Variants in ZDHHC21 observed in about 807,000 individuals in gnomAD.
The protein encoded by ZDHHC21 is palmitoyltransferase ZDHHC21.
In ZDHHC21, 15 loss-of-function variants were observed where a neutral mutation model predicts 34.6. The observed-to-expected ratio is 0.43, with a 90% confidence interval of 0.29 to 0.67. ZDHHC21 has a LOEUF of 0.67. ZDHHC21 is among the 30% of genes least tolerant of loss of function. The probability of loss-of-function intolerance (pLI) is 0.14; values close to 1 mark genes in which losing one functional copy is unlikely to be tolerated. For synonymous variants in ZDHHC21, 142 were observed against 101.8 expected (o/e 1.40, Z -2.38); for missense variants, 344 against 327.7 (o/e 1.05, Z -0.38).
the ZDHHC21 span, among the ~76,000 whole-genome samples, chr9:14,601,000 T>C: frequency 6.6e-6 from 1 of 152,046 alleles, no homozygotes; most frequent in East Asian, 1.9e-4. Flanking sequence ...AAAAATTAAC[T>C]CAAGATGGAT....
intron 8 of ZDHHC21, 58 bp downstream of exon 8, chr9:14,639,838 A>G: frequency 2.9e-6 from 3 of 1,018,024 alleles, no homozygotes; most frequent in Non-Finnish European, 4.2e-6. Flanking sequence ...TTTGAGAATT[A>G]CATTCATAAT....
At chr9:14,605,633 T>A in the ZDHHC21 span, among the ~76,000 whole-genome samples, 6,680 of 152,300 alleles carry the variant, frequency 0.044, 482 homozygotes, top group African/African-American at 0.15. Flanking sequence ...TCCCATTCGA[T>A]AGACTGCCAT....
At chr9:14,674,120 C>T in intron 4 of ZDHHC21, 67 bp downstream of exon 4, 1 of 1,132,052 alleles carries the variant, frequency 8.8e-7, no homozygotes, top group Non-Finnish European at 1.2e-6. Context: ...CATAGTGGCA[C>T]TACACCCCAA....
intron 7 of ZDHHC21, among the ~76,000 whole-genome samples, chr9:14,648,660 G>A (rs1830680374): frequency 6.6e-6 from 1 of 151,958 alleles, no homozygotes; most frequent in Non-Finnish European, 1.5e-5. Flanking sequence ...TTTGTTTATT[G>A]CCTGTCTTCT....
rs1050407388 is a variant in ZDHHC21, at chr9:14,611,900, ATTT to A, written c.*7063_*7065del. The A allele has an allele frequency of 6.6e-6, 1 of 151,812 alleles. No homozygotes were observed. The allele number at this position is 151,812 out of a possible 1,614,324, so 9.4% of individuals were successfully genotyped here. A position where few individuals can be genotyped will look rare whatever the true frequency, so the allele number is the denominator to read the frequency against. ...TTTATTCTTACATATATGAAGTAGA[ATTT>A]TTTTTCTTTTATATGTTCATCTCTG... On this transcript the variant is annotated 3_prime_UTR_variant, in exon 10 of 10. Transcript: ENST00000380916.
chr9:14,682,889 A>G (rs1045149765), intron 2 of ZDHHC21, among the ~76,000 whole-genome samples: 2 of 152,214 alleles, frequency 1.3e-5, no homozygotes, highest in African/African-American at 2.4e-5. Flanking sequence ...AAACTCACTC[A>G]AAACCGAACA....
At chr9:14,634,102 T>A (rs1489162132) in intron 8 of ZDHHC21, among the ~76,000 whole-genome samples, 11 of 152,084 alleles carry the variant, frequency 7.2e-5, no homozygotes, top group Admixed American at 6.5e-4. Context: ...CAGTCCACCA[T>A]TGCTGGCACC....
chr9:14,619,029 C>G lies in ZDHHC21; in HGVS notation c.735G>C (p.Trp245Cys). ...GTTGCCTCTGCCTGAAAGGAATGAA[C>G]CACAGGATCTTCCAACGAGTGCCAA... ...EVFGTRWKILWFIPFRQRQPL... is the reference protein window; with the variant it reads ...EVFGTRWKILCFIPFRQRQPL... The change falls in exon 10 of 10, where the codon TGG (tryptophan) becomes TGC (cysteine). Residue 245 changes from tryptophan to cysteine, a missense_variant. Transcript: ENST00000380916. 6.2e-7 allele frequency: 1 copy of G among 1,612,470 alleles called. No individual in the cohort carries two copies. Among genetic ancestry groups the G allele is most frequent in the Non-Finnish European group, 8.5e-7 (1 of 1,179,144 alleles).
At chr9:14,595,345 C>T in the ZDHHC21 span, among the ~76,000 whole-genome samples, 5 of 152,122 alleles carry the variant, frequency 3.3e-5, no homozygotes, top group South Asian at 2.1e-4. Flanking sequence ...GCATAGATTA[C>T]GGACACATGG....
At chr9:14,631,561 G>C (rs1827351548) in intron 8 of ZDHHC21, among the ~76,000 whole-genome samples, 1 of 152,146 alleles carries the variant, frequency 6.6e-6, no homozygotes, top group South Asian at 2.1e-4. Context: ...TGGCAATTTG[G>C]CACAAGAGGT....
intron 7 of ZDHHC21, among the ~76,000 whole-genome samples, chr9:14,645,594 A>C (rs982886706): frequency 6.6e-6 from 1 of 152,142 alleles, no homozygotes; most frequent in African/African-American, 2.4e-5. Context: ...ACGGTTGATA[A>C]GGTGGAGTAC....
chr9:14,673,013 AT>A (rs1835759868), intron 4 of ZDHHC21, 85 bp from the exon 5 acceptor site: 1 of 859,374 alleles, frequency 1.2e-6, no homozygotes, highest in African/African-American at 1.7e-5. Context: ...TAAAATGTAT[AT>A]TTTAACAAAC....
rs915978954 is a variant in ZDHHC21 at position 14,618,233 on chromosome 9, T to C, written c.*733A>G. Reference sequence around the variant, plus strand: ...GTTCTCCTGGGAGCAAATATTTTAATCACAATCAATAATTACAACAGTAAT... The same window carrying C: ...GTTCTCCTGGGAGCAAATATTTTAACCACAATCAATAATTACAACAGTAAT... On this transcript the variant is annotated 3_prime_UTR_variant, in exon 10 of 10. Coordinates refer to ENST00000380916, the MANE Select transcript of ZDHHC21 (RefSeq NM_178566.6). 10 of 152,502 alleles carry C rather than the reference T, an allele frequency of 6.6e-5. No homozygotes were observed. In the East Asian group the frequency reaches 9.6e-4, roughly 15 times the overall value. 9.4% of individuals were successfully genotyped at this position (152,502 alleles called of 1,614,324 possible).
intron 7 of ZDHHC21, among the ~76,000 whole-genome samples, chr9:14,655,961 A>T (rs1283694158): frequency 6.6e-6 from 1 of 151,838 alleles, no homozygotes; most frequent in Non-Finnish European, 1.5e-5. Context: ...ATACCATGAA[A>T]ACACTAACTA....
chr9:14,682,677 C>T (rs1295074881), intron 2 of ZDHHC21, among the ~76,000 whole-genome samples: 1 of 152,236 alleles, frequency 6.6e-6, no homozygotes, highest in African/African-American at 2.4e-5. Flanking sequence ...CAGCTCTGCA[C>T]CAAGAGGACC....
chr9:14,658,960 A>AC, intron 6 of ZDHHC21, 73 bp from the exon 7 acceptor site: 1 of 1,457,780 alleles, frequency 6.9e-7, no homozygotes, highest in Non-Finnish European at 9.3e-7. Flanking sequence ...ATAAGACTAA[A>AC]TTAAAAACAA....
chr9:14,619,671 A>C lies in ZDHHC21; in HGVS notation c.633T>G (p.Ser211=). ...CACAACAGTTTGACATCTTTTCAATAGATGTTGTATCCTATTAAAAATAAA... is the reference window on the plus strand; with the variant it reads ...CACAACAGTTTGACATCTTTTCAATCGATGTTGTATCCTATTAAAAATAAA... ...QLIGIITDTT[S]IEKMSNCCED... is the part of the protein sequence containing the mutation. The change falls in exon 9 of 10, where the codon TCT becomes TCG. Residue 211 remains serine (S), a synonymous_variant. Transcript: ENST00000380916. 1 of 1,400,374 alleles carries C rather than the reference A, an allele frequency of 7.1e-7. No individual in the cohort carries two copies. The highest frequency in any genetic ancestry group is 9.8e-7 in the Non-Finnish European group (1 of 1,015,940). 86.7% of individuals were successfully genotyped at this position (1,400,374 alleles called of 1,614,324 possible).
intron 1 of ZDHHC21, among the ~76,000 whole-genome samples, chr9:14,691,823 A>G (rs1351197061): frequency 6.6e-6 from 1 of 152,254 alleles, no homozygotes; most frequent in Non-Finnish European, 1.5e-5. Context: ...TTCATATTTT[A>G]CTAATACTTC....
chr9:14,673,178 T>C (rs1185020733), intron 4 of ZDHHC21, among the ~76,000 whole-genome samples: 3 of 152,064 alleles, frequency 2.0e-5, no homozygotes, highest in African/African-American at 2.4e-5. Flanking sequence ...AAAGTTCTTA[T>C]AAATCAGATC....
Sources: gnomAD v4.1 joint callset for allele counts (sites outside exome capture counted in the v4.1 genomes callset) on GRCh38, gnomAD v4.1.1 for gene constraint, MANE v1.5 for transcripts, NCBI Gene and HGNC (gene_info 2026-07-23, HGNC 2026-07-21) for gene names.